Variants in MTO1 observed in about 807,000 individuals in gnomAD.
MTO1 encodes 5-taurinomethyluridine-[tRNA] synthase subunit MTO1, mitochondrial.
MTO1 carries 46 observed loss-of-function variants against 71.6 expected under a neutral mutation model. The ratio of observed to expected loss-of-function variants is 0.64; its 90% CI spans 0.51 to 0.82. The LOEUF (loss-of-function observed/expected upper bound fraction) is 0.82. Ranked by LOEUF, MTO1 falls within the 40% of genes least tolerant of loss-of-function variation. The pLI, the probability that MTO1 is intolerant of heterozygous loss-of-function variation, is 0.00. For missense variants in MTO1, 773 were observed against 867.5 expected, an observed-to-expected ratio of 0.89 and a Z score of 1.37; for synonymous variants, 297 against 312.1, an observed-to-expected ratio of 0.95 and a Z score of 0.51.
At chr6:73,496,371 C>A (rs1248980669) in intron 10 of MTO1, among the ~76,000 whole-genome samples, 2 of 152,038 alleles carry the variant, frequency 1.3e-5, no homozygotes, top group Non-Finnish European at 1.5e-5. Context: ...TTTGAACAAT[C>A]CCTTAACTAA....
chr6:73,482,839 C>T (rs1771548950), intron 9 of MTO1, among the ~76,000 whole-genome samples: 1 of 141,010 alleles, frequency 7.1e-6, no homozygotes, highest in Non-Finnish European at 1.5e-5. Flanking sequence ...TCACCCAGGC[C>T]AGACTGCAGT....
chr6:73,488,559 A>G (rs1053474944), intron 9 of MTO1, among the ~76,000 whole-genome samples: 2 of 151,992 alleles, frequency 1.3e-5, no homozygotes, highest in African/African-American at 4.8e-5. Context: ...ATTTTCTCCC[A>G]TTCTGTGGAT....
rs973349153 is a variant in MTO1 at position 73,485,498 on chromosome 6, G to A, written c.1637+2878G>A. On this transcript the variant is annotated intron_variant, in intron 9 of 11. Coordinates refer to ENST00000498286, the MANE Select transcript of MTO1 (RefSeq NM_012123.4). Reference sequence around the variant, plus strand: ...CTGTCACCTAGGCTGGAGTGCAATGGCACAATCTTGGCTCACTGCAACCTC... The same window carrying A: ...CTGTCACCTAGGCTGGAGTGCAATGACACAATCTTGGCTCACTGCAACCTC... Among the ~76,000 whole-genome samples, 31 of 151,580 alleles carry A rather than the reference G, an allele frequency of 2.0e-4. 1 individual carries two copies. Among genetic ancestry groups the A allele is most frequent in the South Asian group, 4.2e-4 (2 of 4,814 alleles).
In MTO1 at chr6:73,478,974, C is replaced by T. The variant is rs1217022364; in HGVS notation, c.826-758C>T. Among the ~76,000 whole-genome samples the T allele has an allele frequency of 2.7e-5, 4 of 150,142 alleles. No individual in the cohort carries two copies. The South Asian group carries it at 6.3e-4, about 24-fold the overall frequency. Reference sequence around the variant, plus strand: ...TGCAATCTCGGCTCACTGCAACCTCCGCCTCCCAGGTTCAAGTGATTCTCA... The same window carrying T: ...TGCAATCTCGGCTCACTGCAACCTCTGCCTCCCAGGTTCAAGTGATTCTCA... On this transcript the variant is annotated intron_variant, in intron 4 of 11. Coordinates refer to ENST00000498286, the MANE Select transcript of MTO1 (RefSeq NM_012123.4).
intron 4 of MTO1, among the ~76,000 whole-genome samples, chr6:73,478,246 A>G (rs1771387252): frequency 1.0e-5 from 1 of 96,808 alleles, no homozygotes; most frequent in Non-Finnish European, 2.2e-5. Context: ...CTCTGTCTCA[A>G]AAAAAAAAAA....
intron 10 of MTO1, among the ~76,000 whole-genome samples, chr6:73,494,016 T>G (rs1001432073): frequency 1.9e-4 from 29 of 151,946 alleles, no homozygotes; most frequent in South Asian, 4.2e-4. Context: ...GCAGATCACC[T>G]GAGGTCAGAA....
chr6:73,487,406 G>A (rs1713273734), intron 9 of MTO1, among the ~76,000 whole-genome samples: 1 of 151,352 alleles, frequency 6.6e-6, no homozygotes. Flanking sequence ...TGGCTAGGCT[G>A]GTCTCGAACT....
chr6:73,472,517 G>A lies in MTO1; in HGVS notation c.536-848G>A, dbSNP rs541947092. Reference sequence around the variant, plus strand: ...CTCCTAGATTGCTTAGATTGAGATTGATAACATATTAGCCTTCTTACTCAT... The same window carrying A: ...CTCCTAGATTGCTTAGATTGAGATTAATAACATATTAGCCTTCTTACTCAT... On this transcript the variant is annotated intron_variant, in intron 3 of 11. Transcript: ENST00000498286. Among the ~76,000 whole-genome samples the A allele has an allele frequency of 2.6e-4, 40 of 152,266 alleles. No individual in the cohort carries two copies. In the South Asian group the frequency reaches 6.4e-3, roughly 24 times the overall value.
At position 73,503,318 on chromosome 6, in the gene MTO1, G is replaced by A. The variant is rs1245397970; in HGVS notation, c.*2583G>A. On this transcript the variant is annotated 3_prime_UTR_variant, in exon 12 of 12. Transcript: ENST00000498286. ...TGTAGGAATGAAGTCTCACTATGTT[G>A]CCCAGGCTGGTCTTGAACTTCTGGC... 6.6e-6 allele frequency: 1 copy of A among 152,244 alleles called. No homozygotes were observed. The highest frequency in any genetic ancestry group is 1.5e-5 in the Non-Finnish European group (1 of 68,106). 9.4% of individuals were successfully genotyped at this position (152,244 alleles called of 1,614,324 possible). A position where few individuals can be genotyped will look rare whatever the true frequency, so the allele number is the denominator to read the frequency against.
At chr6:73,482,416 C>T (rs1771529240) in intron 8 of MTO1, 33 bp from the exon 9 acceptor site, 1 of 1,594,650 alleles carries the variant, frequency 6.3e-7, no homozygotes, top group Admixed American at 1.8e-5. Context: ...AAAAACCACA[C>T]TTCTCATTAT....
Position 73,501,564 on chromosome 6 carries a change from G to C in MTO1, c.*829G>C, listed in dbSNP as rs1772159073. 6.6e-6 allele frequency: 1 copy of C among 152,178 alleles called. No homozygotes were observed. The highest frequency in any genetic ancestry group is 2.4e-5 in the African/African-American group (1 of 41,434). 9.4% of individuals were successfully genotyped at this position (152,178 alleles called of 1,614,324 possible). A position where few individuals can be genotyped will look rare whatever the true frequency, so the allele number is the denominator to read the frequency against. On this transcript the variant is annotated 3_prime_UTR_variant, in exon 12 of 12. Coordinates refer to ENST00000498286, the MANE Select transcript of MTO1 (RefSeq NM_012123.4). Reference sequence around the variant, plus strand: ...GAATGACAGAAAAAACAGAATAGTGGTAGTACCCCTCTTCCTCTCCAGTAC... The same window carrying C: ...GAATGACAGAAAAAACAGAATAGTGCTAGTACCCCTCTTCCTCTCCAGTAC...
At chr6:73,498,026 C>A (rs1772044264) in intron 11 of MTO1, 130 bp downstream of exon 11, 12 of 812,344 alleles carry the variant, frequency 1.5e-5, no homozygotes, top group Non-Finnish European at 2.2e-5. Flanking sequence ...CCAGCATGGG[C>A]AACACAGCAA....
At position 73,464,835 on chromosome 6, in the gene MTO1, CAAAAAA is replaced by C. The variant is rs70996805; in HGVS notation, c.218-1353_218-1348del. Among the ~76,000 whole-genome samples the C allele has an allele frequency of 3.2e-4, 9 of 28,354 alleles. No homozygotes were observed. The East Asian group carries it at 5.8e-3, about 18-fold the overall frequency. The allele number at this position is 28,354 out of a possible 152,430, so 18.6% of individuals were successfully genotyped here. A position where few individuals can be genotyped will look rare whatever the true frequency, so the allele number is the denominator to read the frequency against. Reference sequence around the variant, plus strand: ...GGGCAACAAGAGCGAAACTCTGTCTCAAAAAAAAAAAAAAAAAAAAAAAAAACTTTT... The same window carrying C: ...GGGCAACAAGAGCGAAACTCTGTCTCAAAAAAAAAAAAAAAAAAAACTTTT... On this transcript the variant is annotated intron_variant, in intron 1 of 11. Coordinates refer to ENST00000498286, the MANE Select transcript of MTO1 (RefSeq NM_012123.4).
rs373659157 is a variant in MTO1 at position 73,480,028 on chromosome 6, T to C, written c.1031T>C (p.Ile344Thr). 5.0e-6 allele frequency: 8 copies of C among 1,614,058 alleles called. No homozygotes were observed. In the African/African-American group the frequency reaches 1.1e-4, roughly 22 times the overall value. ...LEPEGMDSDL[I>T]YPQGLSMTLP... ...CCTGAAGGAATGGATTCTGACCTTATCTACCCACAGGGGTTATCTATGACG... is the reference window on the plus strand; with the variant it reads ...CCTGAAGGAATGGATTCTGACCTTACCTACCCACAGGGGTTATCTATGACG... The change falls in exon 6 of 12, where the codon ATC becomes ACC. Residue 344 changes from isoleucine (I) to threonine (T), a missense_variant. Transcript: ENST00000498286.
In MTO1 at chr6:73,500,005, A is replaced by G. The variant is rs950025727; in HGVS notation, c.1918-569A>G. On this transcript the variant is annotated intron_variant, in intron 11 of 11. Coordinates refer to ENST00000498286, the MANE Select transcript of MTO1 (RefSeq NM_012123.4). ...CATATGGCTTCAAGGATTTCATTTCATTTTATTTTTTTGAGAGAGGGGCTT... is the reference window on the plus strand; with the variant it reads ...CATATGGCTTCAAGGATTTCATTTCGTTTTATTTTTTTGAGAGAGGGGCTT... Among the ~76,000 whole-genome samples the G allele has an allele frequency of 1.4e-4, 21 of 152,170 alleles. 1 individual carries two copies. Among genetic ancestry groups the G allele is most frequent in the African/African-American group, 5.1e-4 (21 of 41,528 alleles).
chr6:73,480,068 A>T lies in MTO1; in HGVS notation c.1071A>T (p.Leu357Phe), dbSNP rs765815328. ...QGLSMTLPAE[L>F]QEKMITCIRG... is the part of the protein sequence containing the mutation. ...TATCTATGACGCTACCAGCTGAGTT[A>T]CAAGAGAAAATGATCACATGCATCA... The change falls in exon 6 of 12, where the codon TTA (leucine) becomes TTT (phenylalanine). Residue 357 changes from leucine (L) to phenylalanine (F), a missense_variant. By Grantham distance (22) the Leu-to-Phe change is conservative. Transcript: ENST00000498286. The T allele has an allele frequency of 6.2e-7, 1 of 1,614,198 alleles. No individual in the cohort carries two copies. The highest frequency in any genetic ancestry group is 8.5e-7 in the Non-Finnish European group (1 of 1,180,032).
Position 73,500,867 on chromosome 6 carries a change from A to G in MTO1, c.*132A>G. On this transcript the variant is annotated 3_prime_UTR_variant, in exon 12 of 12. Transcript: ENST00000498286. ...ACTATGGGTTTGCCATTAATTTCTGAGTGGGACAGAAATTATAATTGTGCT... is the reference window on the plus strand; with the variant it reads ...ACTATGGGTTTGCCATTAATTTCTGGGTGGGACAGAAATTATAATTGTGCT... 1.4e-6 allele frequency: 1 copy of G among 718,232 alleles called. No individual in the cohort carries two copies. The highest frequency in any genetic ancestry group is 2.0e-6 in the Non-Finnish European group (1 of 499,572). The allele number at this position is 718,232 out of a possible 1,614,324, so 44.5% of individuals were successfully genotyped here. A position where few individuals can be genotyped will look rare whatever the true frequency, so the allele number is the denominator to read the frequency against.
chr6:73,479,396 G>C (rs1215817887), intron 4 of MTO1, among the ~76,000 whole-genome samples: 1 of 152,100 alleles, frequency 6.6e-6, no homozygotes, highest in Non-Finnish European at 1.5e-5. Flanking sequence ...TTGGGAGGCT[G>C]AGGCAGGAGA....
rs1284473727 is a variant in MTO1 at position 73,501,840 on chromosome 6, A to G, written c.*1105A>G. 1 of 152,204 alleles carries G rather than the reference A, an allele frequency of 6.6e-6. No individual in the cohort carries two copies. 9.4% of individuals were successfully genotyped at this position (152,204 alleles called of 1,614,324 possible). On this transcript the variant is annotated 3_prime_UTR_variant, in exon 12 of 12. Coordinates refer to ENST00000498286, the MANE Select transcript of MTO1 (RefSeq NM_012123.4). Reference sequence around the variant, plus strand: ...TAAGGGCCCCAAAGTCACTTTGGCTACAGATGTGTATGTTAAGCCTGATTA... The same window carrying G: ...TAAGGGCCCCAAAGTCACTTTGGCTGCAGATGTGTATGTTAAGCCTGATTA...
Sources: allele counts gnomAD v4.1 joint callset (sites outside exome capture counted in the v4.1 genomes callset), GRCh38; gene constraint gnomAD v4.1.1; transcripts MANE v1.5; gene names NCBI Gene and HGNC (gene_info 2026-07-23, HGNC 2026-07-21).